KCNH8: variants seen among roughly 807,000 people sequenced by gnomAD.
The protein encoded by KCNH8 is potassium voltage-gated channel subfamily H member 8, also known as voltage-gated delayed rectifier potassium channel KCNH8.
KCNH8 carries 70 observed loss-of-function variants against 103.6 expected under a neutral mutation model. That is an observed-to-expected ratio of 0.68 (90% confidence interval 0.56 to 0.82). KCNH8 has a LOEUF of 0.82. Among genes scored for constraint, KCNH8 ranks in the 40% least tolerant of loss-of-function variants. KCNH8 has a pLI of 0.00. For synonymous variants in KCNH8, 498 were observed against 489.4 expected, an observed-to-expected ratio of 1.02 and a Z score of -0.23; for missense variants, 1,217 against 1,329.9, an observed-to-expected ratio of 0.92 and a Z score of 1.32.
At chr3:19,498,226 A>G (rs929968625) in intron 11 of KCNH8, among the ~76,000 whole-genome samples, 2 of 152,212 alleles carry the variant, frequency 1.3e-5, no homozygotes, top group African/African-American at 2.4e-5. Context: ...TGGAGCATTT[A>G]GCGCATTTAC....
At chr3:19,201,336 T>A (rs545944801) in intron 1 of KCNH8, among the ~76,000 whole-genome samples, 38 of 151,706 alleles carry the variant, frequency 2.5e-4, no homozygotes, top group Admixed American at 1.8e-3. Flanking sequence ...TTGTTCCTTT[T>A]CAAGTTTCAA....
intron 3 of KCNH8, among the ~76,000 whole-genome samples, chr3:19,333,536 C>T (rs759543810): frequency 6.6e-6 from 1 of 152,158 alleles, no homozygotes; most frequent in Non-Finnish European, 1.5e-5. Flanking sequence ...CTGACTCTGG[C>T]AGTATGCTAT....
chr3:19,464,647 C>A (rs1310684303), intron 11 of KCNH8, among the ~76,000 whole-genome samples: 1 of 151,850 alleles, frequency 6.6e-6, no homozygotes, highest in Non-Finnish European at 1.5e-5. Flanking sequence ...AAAGAATATC[C>A]CGAATGTATT....
chr3:19,432,315 A>G (rs2067135375), intron 7 of KCNH8, among the ~76,000 whole-genome samples: 1 of 152,136 alleles, frequency 6.6e-6, no homozygotes, highest in Admixed American at 6.6e-5. Flanking sequence ...TTTTAAGTTA[A>G]ATGGCTGCCA....
At chr3:19,415,800 C>A (rs975307765) in intron 7 of KCNH8, among the ~76,000 whole-genome samples, 1 of 151,972 alleles carries the variant, frequency 6.6e-6, no homozygotes, top group African/African-American at 2.4e-5. Flanking sequence ...GTAGTTGTGC[C>A]AATTTATTGT....
intron 3 of KCNH8, among the ~76,000 whole-genome samples, chr3:19,322,154 T>C (rs977301762): frequency 6.6e-6 from 1 of 152,190 alleles, no homozygotes; most frequent in African/African-American, 2.4e-5. Context: ...ACATTCTGTA[T>C]CTTTTAATTG....
chr3:19,185,412 A>G (rs1242500696), intron 1 of KCNH8, among the ~76,000 whole-genome samples: 1 of 151,792 alleles, frequency 6.6e-6, no homozygotes, highest in Non-Finnish European at 1.5e-5. Flanking sequence ...TAGCTATTTG[A>G]TGTCTTCTTT....
chr3:19,290,886 G>A (rs1052922739), intron 3 of KCNH8, among the ~76,000 whole-genome samples: 1 of 152,028 alleles, frequency 6.6e-6, no homozygotes, highest in African/African-American at 2.4e-5. Context: ...ACTTTTTTTG[G>A]TTGGTAAGCT....
At chr3:19,507,362 G>A (rs1484306153) in intron 11 of KCNH8, among the ~76,000 whole-genome samples, 1 of 152,188 alleles carries the variant, frequency 6.6e-6, no homozygotes, top group African/African-American at 2.4e-5. Flanking sequence ...CAGCTATGAT[G>A]AGGAGGCTGA....
intron 11 of KCNH8, among the ~76,000 whole-genome samples, chr3:19,496,324 G>C (rs1479221570): frequency 1.3e-5 from 2 of 152,150 alleles, no homozygotes; most frequent in South Asian, 4.1e-4. Flanking sequence ...TATGTTGGCT[G>C]TGGATTTGTT....
At chr3:19,326,393 T>A (rs2065425761) in intron 3 of KCNH8, among the ~76,000 whole-genome samples, 1 of 139,360 alleles carries the variant, frequency 7.2e-6, no homozygotes. Flanking sequence ...AATAAATGAT[T>A]ATGATTTATT....
chr3:19,336,193 C>G (rs757138735), intron 3 of KCNH8, among the ~76,000 whole-genome samples: 1 of 151,592 alleles, frequency 6.6e-6, no homozygotes, highest in Non-Finnish European at 1.5e-5. Context: ...TAATTTTTCT[C>G]TCATTCATCT....
intron 7 of KCNH8, among the ~76,000 whole-genome samples, chr3:19,421,226 T>C (rs2066946269): frequency 6.6e-6 from 1 of 152,156 alleles, no homozygotes; most frequent in Non-Finnish European, 1.5e-5. Context: ...AGTAATTACT[T>C]TCAGAGGTAT....
At chr3:19,378,225 A>G (rs563859166) in intron 5 of KCNH8, among the ~76,000 whole-genome samples, 1 of 152,228 alleles carries the variant, frequency 6.6e-6, no homozygotes, top group Non-Finnish European at 1.5e-5. Context: ...AAATTTGTAC[A>G]TATCACTTTC....
intron 7 of KCNH8, among the ~76,000 whole-genome samples, chr3:19,425,318 C>T (rs2125160560): frequency 6.6e-6 from 1 of 152,258 alleles, no homozygotes; most frequent in East Asian, 1.9e-4. Flanking sequence ...ATATTTTCCT[C>T]CTTCTTTAAA....
intron 15 of KCNH8, among the ~76,000 whole-genome samples, chr3:19,528,337 G>A (rs1459244694): frequency 6.6e-6 from 1 of 151,932 alleles, no homozygotes; most frequent in Non-Finnish European, 1.5e-5. Context: ...ATGAGATCTA[G>A]GAATCAGTCA....
At chr3:19,299,843 G>T (rs1043399248) in intron 3 of KCNH8, among the ~76,000 whole-genome samples, 1 of 151,766 alleles carries the variant, frequency 6.6e-6, no homozygotes, top group Admixed American at 6.6e-5. Context: ...ATTTTAATAT[G>T]TATTAGAAAA....
At chr3:19,515,271 G>A (rs750497964) in intron 13 of KCNH8, 51 bp from the exon 14 acceptor site, 2 of 965,232 alleles carry the variant, frequency 2.1e-6, no homozygotes, top group South Asian at 1.5e-5. Context: ...AAAAATACTG[G>A]AATCCATGAA....
intron 5 of KCNH8, 91 bp from the exon 6 acceptor site, chr3:19,390,389 CT>C: frequency 6.5e-6 from 6 of 927,310 alleles, no homozygotes; most frequent in Non-Finnish European, 9.8e-6. Flanking sequence ...GCCTGTCTCC[CT>C]TCCTTTCTTC....
Sources: allele counts gnomAD v4.1 joint callset (sites outside exome capture counted in the v4.1 genomes callset), GRCh38; gene constraint gnomAD v4.1.1; transcripts MANE v1.5; gene names NCBI Gene and HGNC (gene_info 2026-07-23, HGNC 2026-07-21).